Variants in ZSCAN30 observed in about 807,000 individuals in gnomAD.
The protein encoded by ZSCAN30 is zinc finger and SCAN domain containing 30.
A neutral mutation model predicts 44.3 loss-of-function variants in ZSCAN30; 37 were observed. The observed-to-expected ratio is 0.84, with a 90% CI of 0.64 to 1.10. ZSCAN30 has a LOEUF of 1.10. ZSCAN30 is among the 50% of genes least tolerant of loss of function. ZSCAN30 has a pLI of 0.00. For synonymous variants in ZSCAN30, 181 were observed against 204.6 expected (o/e 0.88, Z 0.98); for missense variants, 549 against 582.6 (o/e 0.94, Z 0.59).
At chr18:35,271,091 C>T (rs1260671474) in intron 1 of ZSCAN30, among the ~76,000 whole-genome samples, 2 of 152,152 alleles carry the variant, frequency 1.3e-5, no homozygotes, top group African/African-American at 2.4e-5. Flanking sequence ...AAAGGCAGTG[C>T]AGACCCAAAG....
chr18:35,276,834 A>T (rs2044375153), intron 1 of ZSCAN30, among the ~76,000 whole-genome samples: 1 of 152,140 alleles, frequency 6.6e-6, no homozygotes, highest in South Asian at 2.1e-4. Flanking sequence ...TGAGAAGAGG[A>T]CCTCTGTCCT....
intron 1 of ZSCAN30, among the ~76,000 whole-genome samples, chr18:35,270,789 G>T (rs118155408): frequency 6.6e-6 from 1 of 152,174 alleles, no homozygotes; most frequent in Non-Finnish European, 1.5e-5. Context: ...GAATAAAGCC[G>T]CGGACCCTCG....
At position 35,253,684 on chromosome 18, in the gene ZSCAN30, T is replaced by C; in HGVS notation, c.1251A>G (p.Ala417=). ...AACTCCTACCAAAAGCCTTACCACA[T>C]GCAATACATTCATAGCTTTTATCTC... The part of the protein sequence containing the change: ...HTGDKSYECI[A]CGKAFGRSSI... Residue 417 remains alanine, a synonymous_variant, in exon 4 of 4, where the codon GCA becomes GCG. Transcript: ENST00000333206. The C allele has an allele frequency of 6.2e-7, 1 of 1,614,162 alleles. No homozygotes were observed. Among genetic ancestry groups the C allele is most frequent in the Non-Finnish European group, 8.5e-7 (1 of 1,180,014 alleles).
chr18:35,289,222 T>C (rs2044609268), intron 1 of ZSCAN30: 1 of 152,174 alleles, frequency 6.6e-6, no homozygotes, highest in Non-Finnish European at 1.5e-5. Flanking sequence ...GTGATCCACC[T>C]GCCTCAACCT....
intron 3 of ZSCAN30, chr18:35,260,372 T>C (rs1217175927): frequency 2.0e-5 from 3 of 152,250 alleles, no homozygotes; most frequent in Non-Finnish European, 4.4e-5. Flanking sequence ...TTTCAGTATA[T>C]ACCCAGTAAT....
intron 1 of ZSCAN30, among the ~76,000 whole-genome samples, chr18:35,271,892 G>A (rs1438951648): frequency 6.6e-6 from 1 of 152,146 alleles, no homozygotes; most frequent in Admixed American, 6.5e-5. Context: ...TGGCCCGGGT[G>A]CTAAGCCCCT....
At chr18:35,266,281 T>A (rs935484601) in intron 1 of ZSCAN30, among the ~76,000 whole-genome samples, 1 of 152,074 alleles carries the variant, frequency 6.6e-6, no homozygotes, top group Admixed American at 6.6e-5. Flanking sequence ...TTGATCCCCA[T>A]GGCCACAGTG....
intron 1 of ZSCAN30, among the ~76,000 whole-genome samples, chr18:35,287,878 T>TC (rs1203414274): frequency 2.7e-5 from 4 of 149,600 alleles, no homozygotes; most frequent in Non-Finnish European, 6.0e-5. Flanking sequence ...TCCTCTTCTT[T>TC]TTTTTTTTTT....
chr18:35,278,097 T>C (rs914044989), intron 1 of ZSCAN30, among the ~76,000 whole-genome samples: 5 of 39,334 alleles, frequency 1.3e-4, no homozygotes, highest in Non-Finnish European at 3.3e-4. Context: ...TGGTTATTTA[T>C]ATTATGTTAT....
At chr18:35,279,255 A>G (rs2044414945) in intron 1 of ZSCAN30, among the ~76,000 whole-genome samples, 1 of 152,230 alleles carries the variant, frequency 6.6e-6, no homozygotes, top group African/African-American at 2.4e-5. Flanking sequence ...CAGCAGGGCC[A>G]TACTCTCTCT....
chr18:35,264,076 ACAT>A lies in ZSCAN30; in HGVS notation c.274_276del (p.Met92del), dbSNP rs1429469326. 1 of 1,614,072 alleles carries A rather than the reference ACAT, an allele frequency of 6.2e-7. No individual in the cohort carries two copies. The highest frequency in any genetic ancestry group is 1.1e-5 in the South Asian group (1 of 91,088). On this transcript the variant is annotated inframe_deletion, in exon 2 of 4. Coordinates refer to ENST00000333206, the MANE Select transcript of ZSCAN30 (RefSeq NM_001112734.4). The stretch of plus-strand genomic sequence containing the variant: ...GGAAGGATGGCCAGGAACTGCTCCA[ACAT>A]CAGCAGCTCCAGGATCTGCTCCTTG...
chr18:35,256,121 AG>A, intron 3 of ZSCAN30: 1 of 152,436 alleles, frequency 6.6e-6, no homozygotes, highest in East Asian at 1.9e-4. Flanking sequence ...TCAAATTATG[AG>A]ACTAGAGAAA....
intron 1 of ZSCAN30, among the ~76,000 whole-genome samples, chr18:35,274,983 T>A (rs1189116275): frequency 2.6e-5 from 4 of 152,232 alleles, no homozygotes; most frequent in Non-Finnish European, 5.9e-5. Flanking sequence ...CTGTCTTTTT[T>A]AAAGATTTCC....
chr18:35,273,583 C>T (rs568817269), intron 1 of ZSCAN30, among the ~76,000 whole-genome samples: 7 of 152,190 alleles, frequency 4.6e-5, no homozygotes, highest in East Asian at 3.9e-4. Flanking sequence ...TGTATGTATC[C>T]GGTTTTCCCA....
At chr18:35,275,731 GCCAC>G (rs1338980217) in intron 1 of ZSCAN30, among the ~76,000 whole-genome samples, 4 of 152,000 alleles carry the variant, frequency 2.6e-5, no homozygotes, top group Non-Finnish European at 4.4e-5. Flanking sequence ...AAATTATCAA[GCCAC>G]CAACCAAGCA....
chr18:35,264,332 G>A lies in ZSCAN30; in HGVS notation c.21C>T (p.Val7=). The A allele has an allele frequency of 6.2e-7, 1 of 1,613,422 alleles. No individual in the cohort carries two copies. Among genetic ancestry groups the A allele is most frequent in the African/African-American group, 1.3e-5 (1 of 75,000 alleles). Residue 7 remains valine (V), a synonymous_variant, in exon 2 of 4, where the codon GTC becomes GTT. Transcript: ENST00000333206. ...GTTCTTCTGGAGCATGGTAGGCCAA[G>A]ACTGTGGCCTCTCCTGACATTCTGG... MSGEAT[V]LAYHAPEEQE...
intron 1 of ZSCAN30, among the ~76,000 whole-genome samples, chr18:35,265,059 T>C (rs1257821009): frequency 6.7e-6 from 1 of 150,096 alleles, no homozygotes; most frequent in Non-Finnish European, 1.5e-5. Flanking sequence ...GGCAGGAGAA[T>C]GGCATGAACC....
chr18:35,288,366 A>T (rs2044590486), intron 1 of ZSCAN30, among the ~76,000 whole-genome samples: 1 of 152,230 alleles, frequency 6.6e-6, no homozygotes, highest in Admixed American at 6.5e-5. Flanking sequence ...GAGGAACCGG[A>T]ACTCTCATGT....
At position 35,263,972 on chromosome 18, in the gene ZSCAN30, T is replaced by C; in HGVS notation, c.381A>G (p.Glu127=). Residue 127 remains glutamate, a synonymous_variant, in exon 2 of 4, where the codon GAA becomes GAG. Coordinates refer to ENST00000333206, the MANE Select transcript of ZSCAN30 (RefSeq NM_001112734.4). ...GTTGCCTTGGCTCCTCCAGTTCTTT[T>C]TCCAGCTCCTCCAGCATAGTCACAG... The part of the protein sequence containing the change: ...EEAVTMLEEL[E]KELEEPRQQD... The C allele has an allele frequency of 1.2e-6, 2 of 1,614,192 alleles. No homozygotes were observed. Among genetic ancestry groups the C allele is most frequent in the Non-Finnish European group, 1.7e-6 (2 of 1,180,008 alleles).
Sources: gnomAD v4.1 joint callset for allele counts (sites outside exome capture counted in the v4.1 genomes callset) on GRCh38, gnomAD v4.1.1 for gene constraint, MANE v1.5 for transcripts, NCBI Gene and HGNC (gene_info 2026-07-23, HGNC 2026-07-21) for gene names.